The following EPS8 variants were observed in gnomAD, a reference collection of about 807,000 sequenced individuals.
The protein encoded by EPS8 is EGFR pathway substrate 8, signaling adaptor.
A neutral mutation model predicts 103.8 loss-of-function variants in EPS8; 42 were observed. The ratio of observed to expected loss-of-function variants is 0.40; its 90% CI spans 0.32 to 0.52. The LOEUF is 0.52. Among genes scored for constraint, EPS8 ranks in the 20% least tolerant of loss-of-function variants. EPS8 has a pLI of 0.40. For synonymous variants in EPS8, 344 were observed against 344.6 expected, an observed-to-expected ratio of 1.00 and a Z score of 0.02; for missense variants, 969 against 1,005.1, an observed-to-expected ratio of 0.96 and a Z score of 0.49.
At chr12:15,642,777 C>T (rs1239424490) in intron 15 of EPS8, among the ~76,000 whole-genome samples, 3 of 152,062 alleles carry the variant, frequency 2.0e-5, no homozygotes, top group Non-Finnish European at 2.9e-5. Context: ...TGCTGTCTAC[C>T]AAGTTCTCTG....
chr12:15,700,402 A>G lies in EPS8; in HGVS notation c.-21-17430T>C, dbSNP rs1457230543. The stretch of plus-strand genomic sequence containing the variant: ...ATATGTGTGGGCTAAAAGAGAAGTC[A>G]TAGAATTCTAATGATTAAAGTGTAT... On this transcript the variant is annotated intron_variant, in intron 1 of 20. Transcript: ENST00000281172. The surrounding 1 kb of genome is among the most constrained non-coding windows in gnomAD (Gnocchi z 5.1). 1.3e-5 allele frequency among the ~76,000 whole-genome samples: 2 copies of G among 152,218 alleles called. No homozygotes were observed. Among genetic ancestry groups the G allele is most frequent in the African/African-American group, 4.8e-5 (2 of 41,460 alleles).
intron 1 of EPS8, among the ~76,000 whole-genome samples, chr12:15,765,019 T>A (rs774158931): frequency 5.3e-5 from 8 of 152,328 alleles, no homozygotes; most frequent in Non-Finnish European, 1.2e-4. Context: ...TTTAATGATA[T>A]CTATCAGGTT....
intron 1 of EPS8, among the ~76,000 whole-genome samples, chr12:15,724,305 T>C (rs1415090009): frequency 1.3e-5 from 2 of 152,220 alleles, no homozygotes; most frequent in African/African-American, 4.8e-5. Flanking sequence ...ATCAAAGTTT[T>C]ATGTGTTGTC....
chr12:15,692,888 G>C (rs1374444057), intron 1 of EPS8, among the ~76,000 whole-genome samples: 1 of 151,916 alleles, frequency 6.6e-6, no homozygotes, highest in Non-Finnish European at 1.5e-5. Context: ...CTTATTTTCT[G>C]ATTACAGTAT....
At position 15,771,526 on chromosome 12, in the gene EPS8, A is replaced by C. The variant is rs1012119749; in HGVS notation, c.-22+17635T>G. On this transcript the variant is annotated intron_variant, in intron 1 of 20. Coordinates refer to ENST00000281172, the MANE Select transcript of EPS8 (RefSeq NM_004447.6). This position sits in a 1 kb window ranked among gnomAD's most constrained non-coding sequence, Gnocchi z 4.6. ...GAAAATGGTCATATAGCCTTGAAACAGTGAAAAACTGAACAGAAGGGGCAA... is the reference window on the plus strand; with the variant it reads ...GAAAATGGTCATATAGCCTTGAAACCGTGAAAAACTGAACAGAAGGGGCAA... Among the ~76,000 whole-genome samples, 2 of 152,202 alleles carry C rather than the reference A, an allele frequency of 1.3e-5. No homozygotes were observed. Among genetic ancestry groups the C allele is most frequent in the Admixed American group, 6.5e-5 (1 of 15,276 alleles).
In EPS8 at chr12:15,696,694, C is replaced by T. The variant is rs1003380150; in HGVS notation, c.-21-13722G>A. ...GAATCAGAAGGTCAGAGAAAAACAC[C>T]TGAACTACTATTCCACTTGGGAAGA... On this transcript the variant is annotated intron_variant, in intron 1 of 20. Coordinates refer to ENST00000281172, the MANE Select transcript of EPS8 (RefSeq NM_004447.6). The surrounding 1 kb of genome is among the most constrained non-coding windows in gnomAD (Gnocchi z 4.8). Among the ~76,000 whole-genome samples the T allele has an allele frequency of 6.6e-6, 1 of 151,938 alleles. No homozygotes were observed. The highest frequency in any genetic ancestry group is 2.4e-5 in the African/African-American group (1 of 41,390).
chr12:15,786,184 T>C (rs920191243), intron 1 of EPS8, among the ~76,000 whole-genome samples: 4 of 151,978 alleles, frequency 2.6e-5, no homozygotes, highest in Non-Finnish European at 4.4e-5. Context: ...TAAAGATGAG[T>C]ATCACAGTGA....
chr12:15,658,755 A>T (rs1017004351), intron 10 of EPS8, among the ~76,000 whole-genome samples, 170 bp from the exon 11 acceptor site: 6 of 152,166 alleles, frequency 3.9e-5, no homozygotes, highest in African/African-American at 1.4e-4. Flanking sequence ...AGAAGATACA[A>T]ATTTCAAAAT....
At chr12:15,665,606 C>A in intron 8 of EPS8, 150 bp downstream of exon 8, 1 of 860,500 alleles carries the variant, frequency 1.2e-6, no homozygotes, top group South Asian at 1.5e-5. Context: ...ACTGGGATTA[C>A]AGGCATGAGC....
intron 1 of EPS8, among the ~76,000 whole-genome samples, chr12:15,732,021 G>T (rs1009391104): frequency 6.6e-6 from 1 of 152,062 alleles, no homozygotes; most frequent in African/African-American, 2.4e-5. Flanking sequence ...TTAAATAACT[G>T]CCTACTCCTG....
At chr12:15,691,515 G>A (rs1032185426) in intron 1 of EPS8, among the ~76,000 whole-genome samples, 2 of 152,136 alleles carry the variant, frequency 1.3e-5, no homozygotes, top group African/African-American at 4.8e-5. Flanking sequence ...CTGCGCCTAG[G>A]GCTGGAAGCG....
At chr12:15,636,992 C>T (rs1945146175) in intron 17 of EPS8, among the ~76,000 whole-genome samples, 1 of 152,152 alleles carries the variant, frequency 6.6e-6, no homozygotes, top group South Asian at 2.1e-4. Flanking sequence ...TGGGTTTATA[C>T]AAAAAGAGAT....
chr12:15,645,693 G>A (rs550346886), intron 15 of EPS8, among the ~76,000 whole-genome samples: 1 of 152,106 alleles, frequency 6.6e-6, no homozygotes, highest in African/African-American at 2.4e-5. Context: ...TTATAGATAT[G>A]CAGGTGAAGG....
chr12:15,750,680 A>C (rs1431048950), intron 1 of EPS8, among the ~76,000 whole-genome samples: 1 of 152,206 alleles, frequency 6.6e-6, no homozygotes, highest in Non-Finnish European at 1.5e-5. Context: ...AAAACAGTGG[A>C]TGCTTTTCAT....
intron 1 of EPS8, among the ~76,000 whole-genome samples, chr12:15,712,531 A>G (rs950659985): frequency 6.6e-6 from 1 of 152,216 alleles, no homozygotes; most frequent in Admixed American, 6.5e-5. Flanking sequence ...GTAATAGTCA[A>G]CAGACCTCTT....
chr12:15,680,348 T>C (rs1236629439), intron 3 of EPS8, among the ~76,000 whole-genome samples: 5 of 152,136 alleles, frequency 3.3e-5, no homozygotes, highest in Non-Finnish European at 4.4e-5. Context: ...ATATCAACAA[T>C]AATAATAGCA....
Position 15,641,749 on chromosome 12 carries a change from G to T in EPS8, c.1650C>A (p.Leu550=). Residue 550 remains leucine (L), a synonymous_variant, in exon 16 of 21, where the codon CTC becomes CTA. Transcript: ENST00000281172. ...YDFVARNNSE[L]SVLKDDILEI... Reference sequence around the variant, plus strand: ...CTAAAATATCATCCTTTAGAACCGAGAGCTCACTGTTGTTCCTTGCTACAA... The same window carrying T: ...CTAAAATATCATCCTTTAGAACCGATAGCTCACTGTTGTTCCTTGCTACAA... The T allele has an allele frequency of 6.3e-7, 1 of 1,584,840 alleles. No homozygotes were observed. The highest frequency in any genetic ancestry group is 1.2e-5 in the South Asian group (1 of 86,072).
At chr12:15,663,941 A>ATAATAATATT (rs71042266) in intron 8 of EPS8, among the ~76,000 whole-genome samples, 1 of 73,280 alleles carries the variant, frequency 1.4e-5, no homozygotes, top group Non-Finnish European at 2.5e-5. Context: ...AAAAAAAAAA[A>ATAATAATATT]AAAAATAATA....
intron 1 of EPS8, among the ~76,000 whole-genome samples, chr12:15,703,847 G>GTT (rs58735135): frequency 0.13 from 7,967 of 61,298 alleles, 390 homozygotes; most frequent in Admixed American, 0.19. Flanking sequence ...CTATGTATTT[G>GTT]TTTTTTTTTT....
Sources: allele counts gnomAD v4.1 joint callset (sites outside exome capture counted in the v4.1 genomes callset), GRCh38; gene constraint gnomAD v4.1.1; non-coding constraint Gnocchi (gnomAD v3.1); transcripts MANE v1.5; gene names NCBI Gene and HGNC (gene_info 2026-07-23, HGNC 2026-07-21).